Variants in HOMER1 observed in about 807,000 individuals in gnomAD.
HOMER1 encodes the protein homer protein homolog 1.
HOMER1 carries 3 observed loss-of-function variants against 48.9 expected under a neutral mutation model. The observed-to-expected ratio is 0.06, with a 90% CI of 0.03 to 0.16. HOMER1 has a LOEUF of 0.16. HOMER1 is among the 10% of genes least tolerant of loss of function. The pLI is 1.00. For synonymous variants in HOMER1, 134 were observed against 146.4 expected (o/e 0.92, Z 0.61); for missense variants, 247 against 411.4 (o/e 0.60, Z 3.46).
rs924598208 is a variant in HOMER1 at position 79,446,099 on chromosome 5, G to C, written c.387+954C>G. 2.6e-5 allele frequency among the ~76,000 whole-genome samples: 4 copies of C among 152,162 alleles called. No homozygotes were observed. In the South Asian group the frequency reaches 6.2e-4, roughly 24 times the overall value. On this transcript the variant is annotated intron_variant, in intron 4 of 8. Transcript: ENST00000334082. Reference sequence around the variant, plus strand: ...GCTAGCTAATTCTTAAGGACAGCAAGAGCCCAGTCCAGAGCATGCCTCTGA... The same window carrying C: ...GCTAGCTAATTCTTAAGGACAGCAACAGCCCAGTCCAGAGCATGCCTCTGA...
At chr5:79,503,279 T>C (rs1156526764) in intron 1 of HOMER1, among the ~76,000 whole-genome samples, 1 of 151,994 alleles carries the variant, frequency 6.6e-6, no homozygotes, top group Non-Finnish European at 1.5e-5. Flanking sequence ...ACGCCTGTAA[T>C]CCCTACACTT....
In HOMER1 at chr5:79,373,701, T is replaced by C. The variant is rs941433448; in HGVS notation, c.*2308A>G. 1 of 152,010 alleles carries C rather than the reference T, an allele frequency of 6.6e-6. No homozygotes were observed. The highest frequency in any genetic ancestry group is 6.6e-5 in the Admixed American group (1 of 15,266). 9.4% of individuals were successfully genotyped at this position (152,010 alleles called of 1,614,324 possible). A position where few individuals can be genotyped will look rare whatever the true frequency, so the allele number is the denominator to read the frequency against. On this transcript the variant is annotated 3_prime_UTR_variant, in exon 9 of 9. Transcript: ENST00000334082. ...TATCCCATATACTGTACATGTCTAT[T>C]GACAATCTGGGAATTTAAAGGTGCA... is the stretch of plus-strand genomic sequence containing the variant.
intron 1 of HOMER1, among the ~76,000 whole-genome samples, chr5:79,466,256 C>G (rs1336124095): frequency 6.6e-6 from 1 of 151,986 alleles, no homozygotes; most frequent in African/African-American, 2.4e-5. Flanking sequence ...TGGCTCATAC[C>G]TGTAATCCCA....
At chr5:79,396,036 T>C (rs181586354) in intron 8 of HOMER1, among the ~76,000 whole-genome samples, 1 of 152,240 alleles carries the variant, frequency 6.6e-6, no homozygotes, top group East Asian at 1.9e-4. Context: ...CCCTTCTTTA[T>C]TGAGGCACCT....
At chr5:79,486,406 T>G (rs997343136) in intron 1 of HOMER1, among the ~76,000 whole-genome samples, 1 of 152,144 alleles carries the variant, frequency 6.6e-6, no homozygotes, top group East Asian at 1.9e-4. Context: ...CAAAGTACAG[T>G]GTAGCTGAAC....
chr5:79,410,857 T>C (rs1749797569), intron 5 of HOMER1, among the ~76,000 whole-genome samples: 1 of 152,212 alleles, frequency 6.6e-6, no homozygotes, highest in Non-Finnish European at 1.5e-5. Flanking sequence ...TTAGAACTGT[T>C]GGGGAGGTTC....
At chr5:79,386,443 T>C (rs1046561991) in intron 8 of HOMER1, among the ~76,000 whole-genome samples, 4 of 152,078 alleles carry the variant, frequency 2.6e-5, no homozygotes, top group Non-Finnish European at 5.9e-5. Context: ...TGTAGAATGA[T>C]GGTTACCAGA....
intron 5 of HOMER1, among the ~76,000 whole-genome samples, chr5:79,437,553 T>A (rs180844954): frequency 1.3e-5 from 2 of 152,246 alleles, no homozygotes; most frequent in Non-Finnish European, 2.9e-5. Context: ...ACAATAAATC[T>A]ATAACTCCAC....
rs1751567653 is a variant in HOMER1 at position 79,469,671 on chromosome 5, T to C, written c.6-12653A>G. 2.0e-5 allele frequency among the ~76,000 whole-genome samples: 3 copies of C among 151,810 alleles called. No individual in the cohort carries two copies. In the South Asian group the frequency reaches 6.3e-4, roughly 32 times the overall value. On this transcript the variant is annotated intron_variant, in intron 1 of 8. Transcript: ENST00000334082. ...TTAAATGTGACTTATAATTTGCCTTTTTTTTTTATTTTTAAGAGATGGGGT... is the reference window on the plus strand; with the variant it reads ...TTAAATGTGACTTATAATTTGCCTTCTTTTTTTATTTTTAAGAGATGGGGT...
chr5:79,437,397 T>C (rs1481128982), intron 5 of HOMER1, among the ~76,000 whole-genome samples: 1 of 152,166 alleles, frequency 6.6e-6, no homozygotes, highest in African/African-American at 2.4e-5. Context: ...TTTTTTAAAA[T>C]TGCATACTAA....
chr5:79,478,019 C>T (rs867042177), intron 1 of HOMER1, among the ~76,000 whole-genome samples: 1 of 152,024 alleles, frequency 6.6e-6, no homozygotes, highest in African/African-American at 2.4e-5. Flanking sequence ...CAGTTTTGCA[C>T]GGACTATCAA....
intron 4 of HOMER1, among the ~76,000 whole-genome samples, chr5:79,443,147 A>G (rs1015228273): frequency 6.6e-6 from 1 of 152,052 alleles, no homozygotes; most frequent in Non-Finnish European, 1.5e-5. Context: ...CTATTTATAT[A>G]ATTATAAAAC....
intron 5 of HOMER1, among the ~76,000 whole-genome samples, chr5:79,436,403 T>C (rs1750585062): frequency 6.6e-6 from 1 of 152,212 alleles, no homozygotes; most frequent in Non-Finnish European, 1.5e-5. Context: ...TAACTGACAG[T>C]GCATACCAGA....
intron 5 of HOMER1, among the ~76,000 whole-genome samples, chr5:79,426,686 A>C (rs1053996487): frequency 2.4e-4 from 37 of 152,258 alleles, no homozygotes; most frequent in African/African-American, 8.7e-4. Flanking sequence ...GTTAATGGGA[A>C]TAAAAATAGT....
chr5:79,452,010 C>T (rs1751041604), intron 2 of HOMER1, among the ~76,000 whole-genome samples: 2 of 152,066 alleles, frequency 1.3e-5, no homozygotes, highest in South Asian at 4.1e-4. Context: ...GTGTTCCTTG[C>T]TAGACTTGGG....
At chr5:79,464,922 C>G (rs568926228) in intron 1 of HOMER1, among the ~76,000 whole-genome samples, 1 of 152,198 alleles carries the variant, frequency 6.6e-6, no homozygotes, top group Non-Finnish European at 1.5e-5. Flanking sequence ...AGTGATGAAC[C>G]AAAAATATAG....
At chr5:79,458,591 T>TG (rs577822806) in intron 1 of HOMER1, among the ~76,000 whole-genome samples, 219 of 152,242 alleles carry the variant, frequency 1.4e-3, no homozygotes, top group African/African-American at 5.2e-3. Flanking sequence ...AGAGAGTTGG[T>TG]GTGAAAGTGA....
At chr5:79,500,701 A>T (rs1194253163) in intron 1 of HOMER1, among the ~76,000 whole-genome samples, 1 of 151,424 alleles carries the variant, frequency 6.6e-6, no homozygotes, top group Admixed American at 6.6e-5. Context: ...ATCTCAGCTC[A>T]CTGCAACCTG....
intron 5 of HOMER1, among the ~76,000 whole-genome samples, chr5:79,410,576 A>G (rs1175117670): frequency 1.3e-5 from 2 of 151,752 alleles, no homozygotes; most frequent in African/African-American, 4.8e-5. Flanking sequence ...TTCTCTTTGT[A>G]GCTTCTTCAT....
Sources: gnomAD v4.1 joint callset for allele counts (sites outside exome capture counted in the v4.1 genomes callset) on GRCh38, gnomAD v4.1.1 for gene constraint, MANE v1.5 for transcripts, NCBI Gene and HGNC (gene_info 2026-07-23, HGNC 2026-07-21) for gene names.